CTNNA2: variants seen among roughly 807,000 people sequenced by gnomAD.
CTNNA2 encodes the protein catenin alpha 2, also known as catenin alpha-2.
CTNNA2 carries 42 observed loss-of-function variants against 101.0 expected under a neutral mutation model. The observed-to-expected ratio is 0.42, with a 90% confidence interval of 0.32 to 0.54. The LOEUF (loss-of-function observed/expected upper bound fraction) is 0.54. CTNNA2 is among the 20% of genes least tolerant of loss of function. The pLI, the probability that CTNNA2 is intolerant of heterozygous loss-of-function variation, is 0.14. For synonymous variants in CTNNA2, 450 were observed against 456.4 expected, an observed-to-expected ratio of 0.99 and a Z score of 0.18; for missense variants, 871 against 1,223.1, an observed-to-expected ratio of 0.71 and a Z score of 4.29.
chr2:80,575,964 C>G (rs1248863310), intron 13 of CTNNA2, among the ~76,000 whole-genome samples: 1 of 152,098 alleles, frequency 6.6e-6, no homozygotes, highest in Non-Finnish European at 1.5e-5. Flanking sequence ...CCATTCAGCA[C>G]CCAAATGGCT....
intron 15 of CTNNA2, among the ~76,000 whole-genome samples, chr2:80,599,640 C>T (rs552590069): frequency 1.6e-4 from 25 of 152,138 alleles, no homozygotes; most frequent in African/African-American, 6.0e-4. Context: ...GAAACCTGGG[C>T]CTTGAAACTT....
At chr2:80,407,213 C>T (rs1679151605) in intron 8 of CTNNA2, among the ~76,000 whole-genome samples, 1 of 152,286 alleles carries the variant, frequency 6.6e-6, no homozygotes, top group African/African-American at 2.4e-5. Context: ...GGTCAAATAC[C>T]AGTCACACTG....
intron 2 of CTNNA2, among the ~76,000 whole-genome samples, chr2:79,669,353 T>C (rs987806474): frequency 3.3e-5 from 5 of 152,198 alleles, no homozygotes; most frequent in African/African-American, 1.2e-4. Context: ...AATTTGATCA[T>C]GCGGGCTAGT....
chr2:79,431,208 T>C (rs1467530984), intron 4 of CTNNA2, among the ~76,000 whole-genome samples: 1 of 152,160 alleles, frequency 6.6e-6, no homozygotes, highest in Non-Finnish European at 1.5e-5. Flanking sequence ...TATCCTGATG[T>C]AATTTCTTGA....
chr2:80,000,508 T>G (rs920180210), intron 7 of CTNNA2, among the ~76,000 whole-genome samples: 1 of 152,164 alleles, frequency 6.6e-6, no homozygotes, highest in Non-Finnish European at 1.5e-5. Context: ...AAAAAACTCT[T>G]TCTCTGCAAT....
intron 12 of CTNNA2, among the ~76,000 whole-genome samples, chr2:80,560,069 A>AAAAAAAAAAAAAG (rs1553387766): frequency 2.8e-5 from 4 of 141,116 alleles, no homozygotes; most frequent in Non-Finnish European, 4.6e-5. Flanking sequence ...AAAAAAAAAA[A>AAAAAAAAAAAAAG]AAAGAAAAAA....
At chr2:79,353,358 T>G (rs761716497) in intron 3 of CTNNA2, among the ~76,000 whole-genome samples, 2 of 152,202 alleles carry the variant, frequency 1.3e-5, no homozygotes, top group Non-Finnish European at 2.9e-5. Context: ...AAAGTGTGCT[T>G]GGCATGATTT....
At chr2:79,231,177 G>T (rs1440750942) in intron 2 of CTNNA2, among the ~76,000 whole-genome samples, 1 of 152,108 alleles carries the variant, frequency 6.6e-6, no homozygotes, top group Non-Finnish European at 1.5e-5. Flanking sequence ...AGAATGATAT[G>T]GTTTGGCTGT....
intron 2 of CTNNA2, among the ~76,000 whole-genome samples, chr2:79,241,185 CTAAA>C (rs1409231441): frequency 6.6e-6 from 1 of 152,250 alleles, no homozygotes; most frequent in Non-Finnish European, 1.5e-5. Flanking sequence ...TGGGTACTAA[CTAAA>C]TAGCAGGATT....
At chr2:80,338,770 T>C (rs1671977186) in intron 7 of CTNNA2, among the ~76,000 whole-genome samples, 1 of 152,190 alleles carries the variant, frequency 6.6e-6, no homozygotes, top group African/African-American at 2.4e-5. Context: ...ACTGCAGTCC[T>C]GGTAGTTTTC....
chr2:80,145,341 A>G (rs552719747), intron 7 of CTNNA2, among the ~76,000 whole-genome samples: 1 of 152,216 alleles, frequency 6.6e-6, no homozygotes, highest in South Asian at 2.1e-4. Context: ...TCCAACAAAT[A>G]TTTATTGAGA....
At chr2:79,568,460 A>C (rs1343008646) in intron 1 of CTNNA2, among the ~76,000 whole-genome samples, 1 of 151,778 alleles carries the variant, frequency 6.6e-6, no homozygotes, top group South Asian at 2.1e-4. Flanking sequence ...AAAATTAGCC[A>C]GTAGTGGTGG....
rs1280296347 is a variant in CTNNA2 at position 79,415,671 on chromosome 2, C to T, written c.-135+41658C>T. On this transcript the variant is annotated intron_variant, in intron 4 of 21. Transcript: ENST00000466387. ...TAGTGGGCTTCTTATTGAAGAAATC[C>T]TTCTTAGAAGACTGTCCTGGCATCC... 2.6e-5 allele frequency among the ~76,000 whole-genome samples: 4 copies of T among 152,108 alleles called. No individual in the cohort carries two copies. In the East Asian group the frequency reaches 7.8e-4, roughly 29 times the overall value.
chr2:79,965,489 T>A (rs981761857), intron 7 of CTNNA2, among the ~76,000 whole-genome samples: 1 of 152,138 alleles, frequency 6.6e-6, no homozygotes, highest in African/African-American at 2.4e-5. Flanking sequence ...CTTCACACTA[T>A]TGGAAGAATC....
chr2:79,290,085 A>G (rs1309307679), intron 2 of CTNNA2, among the ~76,000 whole-genome samples: 3 of 152,182 alleles, frequency 2.0e-5, no homozygotes, highest in South Asian at 2.1e-4. Context: ...GCATGACCCT[A>G]AGAGTGAGAG....
At chr2:80,540,660 T>A (rs113336895) in intron 9 of CTNNA2, among the ~76,000 whole-genome samples, 16 of 152,164 alleles carry the variant, frequency 1.1e-4, no homozygotes, top group African/African-American at 3.9e-4. Context: ...CTGATGTTTT[T>A]GAGGTTGAGG....
At chr2:80,152,934 A>C (rs1170653640) in intron 7 of CTNNA2, among the ~76,000 whole-genome samples, 1 of 152,204 alleles carries the variant, frequency 6.6e-6, no homozygotes, top group African/African-American at 2.4e-5. Context: ...TCCCTTCAAG[A>C]ACTTCAGCCT....
At chr2:80,158,336 TC>T (rs1159846983) in intron 7 of CTNNA2, among the ~76,000 whole-genome samples, 1 of 152,182 alleles carries the variant, frequency 6.6e-6, no homozygotes, top group African/African-American at 2.4e-5. Context: ...TTTGAGATAA[TC>T]ATCTATTCAC....
intron 4 of CTNNA2, among the ~76,000 whole-genome samples, chr2:79,409,906 C>G (rs1333849331): frequency 1.3e-5 from 2 of 152,010 alleles, no homozygotes; most frequent in Non-Finnish European, 2.9e-5. Flanking sequence ...TGGCCATTGT[C>G]ACAATATTGA....
Sources: gnomAD v4.1 joint callset for allele counts (sites outside exome capture counted in the v4.1 genomes callset) on GRCh38, gnomAD v4.1.1 for gene constraint, MANE v1.5 for transcripts, NCBI Gene and HGNC (gene_info 2026-07-23, HGNC 2026-07-21) for gene names.